The following ERICH1 variants were observed in gnomAD, a reference collection of about 807,000 sequenced individuals.
ERICH1 encodes the protein glutamate rich 1, also known as glutamate-rich protein 1.
ERICH1 carries 56 observed loss-of-function variants against 39.6 expected under a neutral mutation model. The ratio of observed to expected loss-of-function variants is 1.41; its 90% CI spans 1.14 to 1.77. The LOEUF (loss-of-function observed/expected upper bound fraction) is 1.77, where lower values mean the gene tolerates loss of function less well. Among genes scored for constraint, ERICH1 ranks in the 40% most tolerant of loss-of-function variants. ERICH1 has a pLI of 0.00. For synonymous variants in ERICH1, 313 were observed against 223.6 expected (o/e 1.40, Z -3.57); for missense variants, 826 against 575.4 (o/e 1.44, Z -4.45).
chr8:715,172 G>A (rs959682904), intron 2 of ERICH1, among the ~76,000 whole-genome samples: 3 of 151,854 alleles, frequency 2.0e-5, no homozygotes, highest in South Asian at 2.1e-4. Context: ...GCCTCTTCCC[G>A]CATCTCTCAG....
chr8:635,189 C>T (rs1267467628), intron 3 of ERICH1, among the ~76,000 whole-genome samples: 2 of 152,138 alleles, frequency 1.3e-5, no homozygotes, highest in East Asian at 1.9e-4. Flanking sequence ...TTCAGGAAAC[C>T]CCCCGAGGAC....
At chr8:665,206 C>A (rs894221162) in intron 5 of ERICH1, among the ~76,000 whole-genome samples, 2 of 152,190 alleles carry the variant, frequency 1.3e-5, no homozygotes, top group Non-Finnish European at 2.9e-5. Context: ...GATGTCACCA[C>A]CAACCCTCAG....
intron 2 of ERICH1, among the ~76,000 whole-genome samples, chr8:713,826 T>G (rs922503831): frequency 3.3e-5 from 5 of 152,118 alleles, no homozygotes; most frequent in South Asian, 2.1e-4. Flanking sequence ...AAATGCCCAG[T>G]GAGAGACCAC....
At chr8:725,148 C>T (rs1261638032) in intron 1 of ERICH1, 2 of 189,392 alleles carry the variant, frequency 1.1e-5, no homozygotes, top group Admixed American at 6.4e-5. Context: ...CCTGCTGACC[C>T]CTCCGGCTTC....
chr8:688,261 C>T (rs1320362254), intron 3 of ERICH1, among the ~76,000 whole-genome samples: 2 of 150,456 alleles, frequency 1.3e-5, no homozygotes, highest in Non-Finnish European at 3.0e-5. Context: ...GGCACCCCGC[C>T]CCCAGTTCCG....
intron 2 of ERICH1, among the ~76,000 whole-genome samples, chr8:697,707 AG>A (rs112041123): frequency 9.3e-6 from 1 of 107,446 alleles, no homozygotes; most frequent in African/African-American, 3.6e-5. Context: ...CCGCCCCCTC[AG>A]CCACCCACAC....
At position 664,491 on chromosome 8, in the gene ERICH1, A is replaced by C. The variant is rs1801892389; in HGVS notation, c.*112T>G. ...CCAGGAACAAACACGTGAATAAATA[A>C]TATGGCATAAATGTCTTTCAAGTTC... On this transcript the variant is annotated 3_prime_UTR_variant, in exon 6 of 6. Coordinates refer to ENST00000262109, the MANE Select transcript of ERICH1 (RefSeq NM_207332.3). The C allele has an allele frequency of 1.5e-6, 2 of 1,361,780 alleles. No homozygotes were observed. Among genetic ancestry groups the C allele is most frequent in the Admixed American group, 3.0e-5 (1 of 33,758 alleles). The allele number at this position is 1,361,780 out of a possible 1,614,324, so 84.4% of individuals were successfully genotyped here.
chr8:626,730 C>G (rs1251001790), intron 3 of ERICH1: 1 of 181,494 alleles, frequency 5.5e-6, no homozygotes, highest in East Asian at 1.2e-4. Context: ...CATCGCGATG[C>G]CATCCTCATC....
At chr8:619,362 T>C (rs558254158) in intron 3 of ERICH1, among the ~76,000 whole-genome samples, 1 of 152,230 alleles carries the variant, frequency 6.6e-6, no homozygotes, top group Non-Finnish European at 1.5e-5. Flanking sequence ...AAAGACAGTA[T>C]AACATATTTC....
chr8:616,804 G>T (rs1164263148), intron 3 of ERICH1, among the ~76,000 whole-genome samples: 7 of 87,186 alleles, frequency 8.0e-5, no homozygotes, highest in Non-Finnish European at 1.5e-4. Flanking sequence ...GGGAAGAGAG[G>T]GGGGAGGAAG....
At chr8:631,112 C>G (rs1337080626) in intron 3 of ERICH1, among the ~76,000 whole-genome samples, 8 of 152,260 alleles carry the variant, frequency 5.3e-5, no homozygotes, top group Admixed American at 3.9e-4. Flanking sequence ...CTGACTCACA[C>G]CCTCCTATGA....
At position 697,373 on chromosome 8, in the gene ERICH1, G is replaced by C. The variant is rs537208567; in HGVS notation, c.170-4761C>G. On this transcript the variant is annotated intron_variant, in intron 2 of 5. Coordinates refer to ENST00000262109, the MANE Select transcript of ERICH1 (RefSeq NM_207332.3). ...TGCAACGCCGACCCCACGAGCAACTGAATCGGCAGGAAAAAGTGCTGGAGG... is the reference window on the plus strand; with the variant it reads ...TGCAACGCCGACCCCACGAGCAACTCAATCGGCAGGAAAAAGTGCTGGAGG... Among the ~76,000 whole-genome samples, 172 of 152,310 alleles carry C rather than the reference G, an allele frequency of 1.1e-3. 1 individual carries two copies. Among genetic ancestry groups the C allele is most frequent in the African/African-American group, 4.0e-3 (168 of 41,554 alleles).
At chr8:628,124 GC>G (rs1797706343) in intron 3 of ERICH1, among the ~76,000 whole-genome samples, 1 of 152,242 alleles carries the variant, frequency 6.6e-6, no homozygotes, top group South Asian at 2.1e-4. Flanking sequence ...CCATGAGGAA[GC>G]AACATGGCTT....
chr8:686,744 C>T (rs993510209), intron 3 of ERICH1: 1 of 151,256 alleles, frequency 6.6e-6, no homozygotes, highest in Non-Finnish European at 1.5e-5. Flanking sequence ...AGCTGAGCAA[C>T]AGGTCTCTCG....
At chr8:655,099 C>T (rs936282125) in intron 3 of ERICH1, among the ~76,000 whole-genome samples, 9 of 152,206 alleles carry the variant, frequency 5.9e-5, no homozygotes, top group Non-Finnish European at 8.8e-5. Context: ...GTGGTCTCTG[C>T]CGAGCCCAGA....
intron 1 of ERICH1, among the ~76,000 whole-genome samples, chr8:724,470 A>G (rs1393306863): frequency 6.6e-6 from 1 of 152,026 alleles, no homozygotes; most frequent in Non-Finnish European, 1.5e-5. Context: ...TGGTAAACAC[A>G]CCCAGCGGGA....
At chr8:699,812 TCCGCACAAGCGCACAGACCCGCACAG>T (rs1563295569) in intron 2 of ERICH1, among the ~76,000 whole-genome samples, 4 of 26,934 alleles carry the variant, frequency 1.5e-4, no homozygotes, top group Non-Finnish European at 3.3e-4. Context: ...CGCGCACAGA[TCCGCACAAGCGCACAGACCCGCACAG>T]GCGCACAGAC....
chr8:693,399 A>T (rs116102602), intron 2 of ERICH1, among the ~76,000 whole-genome samples: 1,571 of 152,364 alleles, frequency 0.01, 25 homozygotes, highest in African/African-American at 0.035. Flanking sequence ...TTAAATCTGC[A>T]TACTTTTAAT....
chr8:724,006 G>T (rs1444255478), intron 1 of ERICH1, among the ~76,000 whole-genome samples: 1 of 152,076 alleles, frequency 6.6e-6, no homozygotes, highest in African/African-American at 2.4e-5. Flanking sequence ...AAAATAATTG[G>T]CTAATACTTA....
Sources: allele counts gnomAD v4.1 joint callset (sites outside exome capture counted in the v4.1 genomes callset), GRCh38; gene constraint gnomAD v4.1.1; transcripts MANE v1.5; gene names NCBI Gene and HGNC (gene_info 2026-07-23, HGNC 2026-07-21).